EYA2: variants seen among roughly 807,000 people sequenced by gnomAD.
EYA2 encodes the protein EYA transcriptional coactivator and phosphatase 2, also known as protein phosphatase EYA2.
A neutral mutation model predicts 69.2 loss-of-function variants in EYA2; 31 were observed. The observed-to-expected ratio is 0.45, with a 90% confidence interval of 0.34 to 0.60. The LOEUF is 0.60. Ranked by LOEUF, EYA2 falls within the 20% of genes least tolerant of loss-of-function variation. EYA2 has a pLI of 0.02. For synonymous variants in EYA2, 257 were observed against 279.4 expected, an observed-to-expected ratio of 0.92 and a Z score of 0.80; for missense variants, 622 against 701.2, an observed-to-expected ratio of 0.89 and a Z score of 1.28.
At chr20:47,028,953 A>G (rs934890806) in intron 5 of EYA2, among the ~76,000 whole-genome samples, 2 of 152,254 alleles carry the variant, frequency 1.3e-5, no homozygotes, top group African/African-American at 4.8e-5. Flanking sequence ...AACAAATGCC[A>G]GAAATCTTTT....
chr20:47,122,035 T>C (rs934616117), intron 9 of EYA2, among the ~76,000 whole-genome samples: 1 of 152,212 alleles, frequency 6.6e-6, no homozygotes, highest in African/African-American at 2.4e-5. Context: ...AAAATCAGGA[T>C]ATTTCACATA....
chr20:46,966,041 C>G (rs1979756347), intron 1 of EYA2, among the ~76,000 whole-genome samples: 1 of 152,238 alleles, frequency 6.6e-6, no homozygotes, highest in Admixed American at 6.5e-5. Context: ...AATGTAGCAC[C>G]TGGTGATTCT....
intron 1 of EYA2, among the ~76,000 whole-genome samples, chr20:46,954,138 C>T (rs1254987538): frequency 6.6e-6 from 1 of 152,206 alleles, no homozygotes; most frequent in Non-Finnish European, 1.5e-5. Context: ...CTTGCTCATC[C>T]ACTTCAGGGG....
chr20:47,180,003 G>A, intron 13 of EYA2, 91 bp downstream of exon 13: 6 of 886,500 alleles, frequency 6.8e-6, no homozygotes, highest in Non-Finnish European at 5.5e-6. Flanking sequence ...GGGAGAATTG[G>A]ACTCCTCAAA....
chr20:47,019,108 A>G (rs1983594096), intron 5 of EYA2, among the ~76,000 whole-genome samples: 2 of 152,166 alleles, frequency 1.3e-5, no homozygotes, highest in Admixed American at 1.3e-4. Flanking sequence ...CCAGGCACAT[A>G]ACCCTCACGC....
intron 1 of EYA2, among the ~76,000 whole-genome samples, chr20:46,918,677 A>G (rs184909797): frequency 1.2e-3 from 180 of 152,318 alleles, no homozygotes; most frequent in African/African-American, 4.2e-3. Context: ...GATGAGGGCC[A>G]GAATCAACTT....
chr20:46,986,076 G>A (rs549276134), intron 1 of EYA2, among the ~76,000 whole-genome samples: 2 of 151,844 alleles, frequency 1.3e-5, no homozygotes, highest in Non-Finnish European at 2.9e-5. Flanking sequence ...GGCACCTGTA[G>A]CCAGATAAAA....
At chr20:46,930,802 G>A (rs972714532) in intron 1 of EYA2, among the ~76,000 whole-genome samples, 9 of 152,194 alleles carry the variant, frequency 5.9e-5, no homozygotes, top group Admixed American at 2.0e-4. Flanking sequence ...GTTTGGACGC[G>A]TTGACTCTGT....
At chr20:47,001,376 G>C in intron 2 of EYA2, 52 bp from the exon 3 acceptor site, 2 of 1,549,114 alleles carry the variant, frequency 1.3e-6, no homozygotes, top group Non-Finnish European at 1.8e-6. Context: ...CACCTCTGCA[G>C]AACATCACCC....
At chr20:47,087,650 C>G (rs188500734) in intron 7 of EYA2, among the ~76,000 whole-genome samples, 1 of 152,324 alleles carries the variant, frequency 6.6e-6, no homozygotes, top group African/African-American at 2.4e-5. Flanking sequence ...GACAGTGCTG[C>G]TTCACTTGTT....
chr20:47,184,458 C>T (rs2034598216), intron 15 of EYA2, among the ~76,000 whole-genome samples: 2 of 145,238 alleles, frequency 1.4e-5, no homozygotes, highest in South Asian at 2.2e-4. Context: ...CACTCTGGCA[C>T]CTAGGCTGGA....
chr20:47,101,270 A>G (rs2032415431), intron 9 of EYA2, among the ~76,000 whole-genome samples: 1 of 152,188 alleles, frequency 6.6e-6, no homozygotes, highest in Admixed American at 6.5e-5. Context: ...AGTTTTTTGT[A>G]GAGATGGGAT....
chr20:47,110,837 G>C (rs544985992), intron 9 of EYA2, among the ~76,000 whole-genome samples: 2 of 152,368 alleles, frequency 1.3e-5, no homozygotes, highest in East Asian at 3.9e-4. Context: ...CCACGTGTGT[G>C]ACAAGCAGGG....
At chr20:47,140,002 C>T (rs986462744) in intron 9 of EYA2, among the ~76,000 whole-genome samples, 1 of 152,166 alleles carries the variant, frequency 6.6e-6, no homozygotes, top group African/African-American at 2.4e-5. Flanking sequence ...AATTACTTTT[C>T]CTTCTCTGTG....
Position 46,964,881 on chromosome 20 carries a change from G to A in EYA2, c.-10-25120G>A, listed in dbSNP as rs560390145. ...CAAGCTGCTTGGGTTTGAATTTAGGGGATAATACACTGAGTACTCTCGTGA... is the reference window on the plus strand; with the variant it reads ...CAAGCTGCTTGGGTTTGAATTTAGGAGATAATACACTGAGTACTCTCGTGA... On this transcript the variant is annotated intron_variant, in intron 1 of 15. Coordinates refer to ENST00000327619, the MANE Select transcript of EYA2 (RefSeq NM_005244.5). Among the ~76,000 whole-genome samples, 4 of 152,268 alleles carry A rather than the reference G, an allele frequency of 2.6e-5. No individual in the cohort carries two copies. In the East Asian group the frequency reaches 5.8e-4, roughly 22 times the overall value.
intron 1 of EYA2, among the ~76,000 whole-genome samples, chr20:46,921,762 A>G (rs1360736089): frequency 6.6e-6 from 1 of 152,252 alleles, no homozygotes; most frequent in Non-Finnish European, 1.5e-5. Context: ...AAGATTCCCA[A>G]TGACCTCATT....
chr20:47,091,419 T>C (rs2032080795), intron 8 of EYA2, among the ~76,000 whole-genome samples: 1 of 152,122 alleles, frequency 6.6e-6, no homozygotes, highest in Non-Finnish European at 1.5e-5. Context: ...AAATATTTGC[T>C]ACAATTCTTT....
chr20:47,169,029 A>G, intron 10 of EYA2, 110 bp from the exon 11 acceptor site: 3 of 925,464 alleles, frequency 3.2e-6, no homozygotes, highest in Admixed American at 1.7e-5. Flanking sequence ...GATGACTCCC[A>G]GTGCAGTGCT....
Position 47,167,280 on chromosome 20 carries a change from C to CTTTTT in EYA2, c.979-1844_979-1840dup, listed in dbSNP as rs11470455. The stretch of plus-strand genomic sequence containing the variant: ...TCTGAGAGGAGAATCGGTTTTTTTA[C>CTTTTT]TTTTTTTTTTTTTTTTTTTGAGACA... On this transcript the variant is annotated intron_variant, in intron 10 of 15. Coordinates refer to ENST00000327619, the MANE Select transcript of EYA2 (RefSeq NM_005244.5). Among the ~76,000 whole-genome samples the CTTTTT allele has an allele frequency of 1.0e-2, 1,114 of 111,692 alleles. 41 individuals are homozygous for CTTTTT. The highest frequency in any genetic ancestry group is 0.012 in the Non-Finnish European group (692 of 58,022). 73.3% of individuals were successfully genotyped at this position (111,692 alleles called of 152,430 possible). A position where few individuals can be genotyped will look rare whatever the true frequency, so the allele number is the denominator to read the frequency against.
Sources: gnomAD v4.1 joint callset for allele counts (sites outside exome capture counted in the v4.1 genomes callset) on GRCh38, gnomAD v4.1.1 for gene constraint, MANE v1.5 for transcripts, NCBI Gene and HGNC (gene_info 2026-07-23, HGNC 2026-07-21) for gene names.